Variants in DMD observed in about 807,000 individuals in gnomAD.
The protein encoded by DMD is dystrophin, also known as mutant dystrophin.
Under a neutral mutation model 330.1 loss-of-function variants are expected in DMD, and 63 were observed. That is an observed-to-expected ratio of 0.19 (90% confidence interval 0.16 to 0.24). DMD has a LOEUF of 0.24. Among genes scored for constraint, DMD ranks in the 10% least tolerant of loss-of-function variants. The pLI, the probability that DMD is intolerant of heterozygous loss-of-function variation, is 1.00. For synonymous variants in DMD, 1,223 were observed against 959.8 expected, an observed-to-expected ratio of 1.27 and a Z score of -5.07; for missense variants, 3,344 against 2,684.1, an observed-to-expected ratio of 1.25 and a Z score of -5.43.
intron 54 of DMD, among the ~76,000 whole-genome samples, chrX:31,632,620 A>G (rs2079192272): frequency 9.0e-6 from 1 of 111,559 alleles, no homozygotes; most frequent in African/African-American, 3.3e-5. Flanking sequence ...AGATTAAAGG[A>G]TCATTATTTT....
chrX:31,266,954 CG>C, intron 62 of DMD: 3 of 1,081,658 alleles, frequency 2.8e-6, no homozygotes, highest in Non-Finnish European at 3.7e-6. Flanking sequence ...GAAAGCACTG[CG>C]GAGGAGCCGG....
intron 60 of DMD, among the ~76,000 whole-genome samples, chrX:31,390,277 G>T (rs2148785020): frequency 9.2e-6 from 1 of 109,005 alleles, no homozygotes; most frequent in Non-Finnish European, 1.9e-5. Flanking sequence ...TCTTTTTCTT[G>T]AAGTTTATCA....
At chrX:32,704,543 G>A (rs758749234) in intron 7 of DMD, among the ~76,000 whole-genome samples, 5 of 112,074 alleles carry the variant, frequency 4.5e-5, no homozygotes, top group African/African-American at 6.5e-5. Context: ...TGCATAGCAT[G>A]TGTAATTGAA....
At chrX:32,461,518 C>T (rs2098383249) in intron 25 of DMD, among the ~76,000 whole-genome samples, 1 of 111,189 alleles carries the variant, frequency 9.0e-6, no homozygotes, top group African/African-American at 3.3e-5. Flanking sequence ...TAAAATATAT[C>T]TCTTGAACAA....
Position 32,697,540 on chromosome X carries a change from C to T in DMD, c.960+330G>A, listed in dbSNP as rs6631628. Among the ~76,000 whole-genome samples, 15,785 of 111,393 alleles carry T rather than the reference C, an allele frequency of 0.14. 2,618 individuals are homozygous for T. The highest frequency in any genetic ancestry group is 0.48 in the African/African-American group (14,497 of 30,462). ...TTTTCACAGATGTACCTACACTTTT[C>T]GAAGTTACATATATAAAACTTTTCA... On this transcript the variant is annotated intron_variant, in intron 9 of 78. Transcript: ENST00000357033.
At chrX:32,525,622 T>G (rs2046868288) in intron 17 of DMD, among the ~76,000 whole-genome samples, 1 of 111,747 alleles carries the variant, frequency 8.9e-6, no homozygotes, top group South Asian at 3.7e-4. Context: ...TTGTGGTTTG[T>G]CGTGTAGTTT....
chrX:31,835,549 T>A (rs775666626), intron 49 of DMD, among the ~76,000 whole-genome samples: 12 of 111,659 alleles, frequency 1.1e-4, no homozygotes, highest in African/African-American at 3.9e-4. Flanking sequence ...TTTGGAGTGG[T>A]TGCAATATAT....
At chrX:32,063,489 C>T (rs367871658) in intron 44 of DMD, among the ~76,000 whole-genome samples, 1 of 110,730 alleles carries the variant, frequency 9.0e-6, no homozygotes, top group Non-Finnish European at 1.9e-5. Flanking sequence ...AAAATGATAA[C>T]CTGAATATAA....
intron 7 of DMD, among the ~76,000 whole-genome samples, chrX:32,764,150 G>A (rs1307589530): frequency 9.2e-6 from 1 of 109,126 alleles, no homozygotes; most frequent in Admixed American, 9.8e-5. Flanking sequence ...GAACAATCTG[G>A]AAAATATATA....
At chrX:32,652,164 C>T (rs922250725) in intron 9 of DMD, among the ~76,000 whole-genome samples, 5 of 110,821 alleles carry the variant, frequency 4.5e-5, no homozygotes, top group Non-Finnish European at 7.6e-5. Flanking sequence ...ACTTTAAATA[C>T]TAGGGTACAT....
At chrX:31,123,104 G>C (rs760108707) in intron 78 of DMD, among the ~76,000 whole-genome samples, 68 of 111,686 alleles carry the variant, frequency 6.1e-4, no homozygotes, top group African/African-American at 1.9e-3. Context: ...TAAAGCTATA[G>C]ACTAGGGAGA....
At chrX:31,716,115 A>ATAG (rs1189908674) in intron 52 of DMD, among the ~76,000 whole-genome samples, 1 of 112,632 alleles carries the variant, frequency 8.9e-6, no homozygotes, top group Non-Finnish European at 1.9e-5. Flanking sequence ...GAGACACAAC[A>ATAG]ACGTTGAAAT....
At chrX:32,677,655 T>C (rs1310587248) in intron 9 of DMD, among the ~76,000 whole-genome samples, 1 of 111,784 alleles carries the variant, frequency 8.9e-6, no homozygotes, top group Admixed American at 9.5e-5. Flanking sequence ...TCATGTGTGA[T>C]TAAAAAATAA....
At chrX:31,894,757 C>A (rs963341207) in intron 47 of DMD, among the ~76,000 whole-genome samples, 5 of 111,644 alleles carry the variant, frequency 4.5e-5, no homozygotes, top group African/African-American at 1.3e-4. Flanking sequence ...ACTTTTTACA[C>A]AGTAGATACT....
At chrX:32,025,889 A>C (rs1054890099) in intron 44 of DMD, among the ~76,000 whole-genome samples, 1 of 112,131 alleles carries the variant, frequency 8.9e-6, no homozygotes, top group African/African-American at 3.2e-5. Context: ...CAAGTGAGAA[A>C]GTGAATAGAA....
intron 9 of DMD, among the ~76,000 whole-genome samples, chrX:32,652,452 C>T (rs1207617188): frequency 9.1e-6 from 1 of 109,823 alleles, no homozygotes; most frequent in African/African-American, 3.3e-5. Context: ...CATGTCCCTA[C>T]AAAGGACATG....
intron 2 of DMD, among the ~76,000 whole-genome samples, chrX:32,983,908 T>TA (rs1171506277): frequency 9.0e-6 from 1 of 111,502 alleles, no homozygotes; most frequent in Non-Finnish European, 1.9e-5. Flanking sequence ...ATCTTATTTT[T>TA]AAAAAATGCT....
intron 41 of DMD, among the ~76,000 whole-genome samples, chrX:32,338,092 A>G (rs2097724074): frequency 9.0e-6 from 1 of 111,437 alleles, no homozygotes; most frequent in South Asian, 3.7e-4. Context: ...GTATTTGAAA[A>G]TGTGCCTAGC....
chrX:31,241,455 C>G (rs1403058766), intron 63 of DMD, among the ~76,000 whole-genome samples: 1 of 111,912 alleles, frequency 8.9e-6, no homozygotes, highest in Non-Finnish European at 1.9e-5. Flanking sequence ...ATAAATTTTT[C>G]TAAGAAGAGA....
Sources: gnomAD v4.1 joint callset for allele counts (sites outside exome capture counted in the v4.1 genomes callset) on GRCh38, gnomAD v4.1.1 for gene constraint, MANE v1.5 for transcripts, NCBI Gene and HGNC (gene_info 2026-07-23, HGNC 2026-07-21) for gene names.